Variants in DYDC2 observed in about 807,000 individuals in gnomAD.
DYDC2 encodes the protein DPY30 domain-containing protein 2.
In DYDC2, 19 loss-of-function variants were observed where a neutral mutation model predicts 18.7. The ratio of observed to expected loss-of-function variants is 1.02; its 90% CI spans 0.71 to 1.49. DYDC2 has a LOEUF of 1.49. Ranked by LOEUF, DYDC2 falls within the 40% of genes most tolerant of loss-of-function variation. The probability of loss-of-function intolerance (pLI) is 0.00; values close to 1 mark genes in which losing one functional copy is unlikely to be tolerated. For synonymous variants in DYDC2, 63 were observed against 67.6 expected (o/e 0.93, Z 0.34); for missense variants, 179 against 205.1 (o/e 0.87, Z 0.78).
chr10:80,356,800 G>C lies in DYDC2; in HGVS notation c.-188G>C, dbSNP rs1376405331. 1 of 985,624 alleles carries C rather than the reference G, an allele frequency of 1.0e-6. No homozygotes were observed. The highest frequency in any genetic ancestry group is 1.2e-6 in the Non-Finnish European group (1 of 830,192). 61.1% of individuals were successfully genotyped at this position (985,624 alleles called of 1,614,324 possible). ...CGCCTCAGGAGCCAGTGTAGGCGCC[G>C]CAAAGCGGAAGGGGCGCGCGGATAG... On this transcript the variant is annotated 5_prime_UTR_variant, in exon 1 of 5. Transcript: ENST00000256039.
intron 2 of DYDC2, 79 bp downstream of exon 2, chr10:80,358,124 T>C (rs938947149): frequency 1.1e-6 from 1 of 947,534 alleles, no homozygotes; most frequent in Non-Finnish European, 1.3e-6. Flanking sequence ...CCGCCTGTAA[T>C]CCTAGCACTT....
At chr10:80,357,337 T>C (rs1843446876) in intron 1 of DYDC2, among the ~76,000 whole-genome samples, 1 of 149,150 alleles carries the variant, frequency 6.7e-6, no homozygotes, top group Non-Finnish European at 1.5e-5. Flanking sequence ...GAAAGGCGTA[T>C]GTGGAGGCGC....
intron 1 of DYDC2, among the ~76,000 whole-genome samples, chr10:80,347,292 T>A (rs1842717878): frequency 6.9e-6 from 1 of 145,474 alleles, no homozygotes; most frequent in African/African-American, 2.5e-5. Flanking sequence ...TTTTTTTTTT[T>A]TTTTTTTTTT....
upstream of DYDC2, among the ~76,000 whole-genome samples, chr10:80,353,918 C>G (rs987028118): frequency 2.6e-5 from 4 of 151,912 alleles, no homozygotes; most frequent in African/African-American, 9.7e-5. Context: ...TCCTTGGAGC[C>G]CTTTTGGAAA....
At chr10:80,354,671 C>A (rs2132855785), upstream of DYDC2, among the ~76,000 whole-genome samples, 1 of 152,124 alleles carries the variant, frequency 6.6e-6, no homozygotes, top group Admixed American at 6.5e-5. Context: ...GTGGAGCCGT[C>A]ATGCATGGGA....
rs1272516284 is a variant in DYDC2 at position 80,366,845 on chromosome 10, G to A, written c.428G>A (p.Gly143Asp). Residue 143 changes from glycine (G) to aspartate (D), a missense_variant, in exon 5 of 5, where the codon GGC becomes GAC. Physicochemically the swap from Gly to Asp is moderately conservative, Grantham distance 94. Coordinates refer to ENST00000256039, the MANE Select transcript of DYDC2 (RefSeq NM_032372.6). ...CAGGTTCCTCCTTCAGAGTCTGCTG[G>A]CCAGATTGACCAGAACTTCAAAATG... ...PQQVPPSESA[G>D]QIDQNFKMPQ... The A allele has an allele frequency of 1.2e-6, 2 of 1,614,122 alleles. No individual in the cohort carries two copies. Among genetic ancestry groups the A allele is most frequent in the Admixed American group, 1.7e-5 (1 of 60,010 alleles).
chr10:80,349,854 T>C (rs920683691), intron 1 of DYDC2, among the ~76,000 whole-genome samples: 2 of 152,200 alleles, frequency 1.3e-5, no homozygotes, highest in Non-Finnish European at 2.9e-5. Flanking sequence ...AACTAAGCTC[T>C]TACATAGAAA....
intron 2 of DYDC2, among the ~76,000 whole-genome samples, chr10:80,359,834 A>G (rs1231245286): frequency 6.6e-6 from 1 of 152,058 alleles, no homozygotes; most frequent in Non-Finnish European, 1.5e-5. Context: ...CTGGCCTGCG[A>G]GTGCCACACG....
At chr10:80,363,126 C>A (rs544093696) in intron 4 of DYDC2, 53 bp downstream of exon 4, 2 of 1,572,898 alleles carry the variant, frequency 1.3e-6, no homozygotes, top group South Asian at 1.2e-5. Flanking sequence ...GTGATGGACT[C>A]CAGGAAAGCC....
chr10:80,362,485 G>A lies in DYDC2; in HGVS notation c.42G>A (p.Leu14=), dbSNP rs747078331. 1 of 1,614,084 alleles carries A rather than the reference G, an allele frequency of 6.2e-7. No individual in the cohort carries two copies. The highest frequency in any genetic ancestry group is 1.1e-5 in the South Asian group (1 of 91,062). ...NYLKRCFGNC[L]AQALAEVAKV... ...TGAAGAGGTGCTTTGGAAATTGCCT[G>A]GCCCAGGCACTGGCAGAGGTGGCGA... Residue 14 remains leucine, a synonymous_variant, in exon 3 of 5, where the codon CTG becomes CTA. Transcript: ENST00000256039.
upstream of DYDC2, chr10:80,352,434 T>TAG (rs1369999296): frequency 1.3e-6 from 2 of 1,557,288 alleles, no homozygotes; most frequent in Admixed American, 2.1e-5. Context: ...TCTAATTTCC[T>TAG]AGAAGGAGAT....
chr10:80,359,859 G>A (rs547077511), intron 2 of DYDC2, among the ~76,000 whole-genome samples: 3 of 152,184 alleles, frequency 2.0e-5, no homozygotes, highest in South Asian at 2.1e-4. Context: ...CCCATTTCCC[G>A]CCCGCGCCTC....
chr10:80,362,873 T>A, intron 3 of DYDC2, 78 bp from the exon 4 acceptor site: 1 of 1,549,168 alleles, frequency 6.5e-7, no homozygotes, highest in South Asian at 1.3e-5. Flanking sequence ...ACAGCCCATA[T>A]CAGTCCCCAG....
In DYDC2 at chr10:80,367,923, T is replaced by C. The variant is rs896391357; in HGVS notation, c.*972T>C. 10 of 140,062 alleles carry C rather than the reference T, an allele frequency of 7.1e-5. No homozygotes were observed. The highest frequency in any genetic ancestry group is 2.3e-4 in the Admixed American group (3 of 13,294). 8.7% of individuals were successfully genotyped at this position (140,062 alleles called of 1,614,324 possible). On this transcript the variant is annotated 3_prime_UTR_variant, in exon 5 of 5. Transcript: ENST00000256039. Reference sequence around the variant, plus strand: ...CATCATCACCATCCGGCTGCAAAACTCTTTCATCTTGCAAAACTGAAACTC... The same window carrying C: ...CATCATCACCATCCGGCTGCAAAACCCTTTCATCTTGCAAAACTGAAACTC...
rs546461101 is a variant in DYDC2, at chr10:80,366,366, C to T, written c.271-322C>T. ...CCTTTTTCTGTTGAATACTTTTCCT[C>T]TAGATTATGGTTCACATTTTCCTAC... On this transcript the variant is annotated intron_variant, in intron 4 of 4. Transcript: ENST00000256039. 3.3e-5 allele frequency among the ~76,000 whole-genome samples: 5 copies of T among 152,232 alleles called. No homozygotes were observed. The East Asian group carries it at 5.8e-4, about 18-fold the overall frequency.
chr10:80,355,999 A>AAT (rs1843344981), upstream of DYDC2, among the ~76,000 whole-genome samples: 2 of 151,864 alleles, frequency 1.3e-5, no homozygotes, highest in Admixed American at 1.3e-4. Flanking sequence ...AAAAAAAAAA[A>AAT]AAAAAAGGTG....
upstream of DYDC2, among the ~76,000 whole-genome samples, chr10:80,355,272 C>T (rs906198474): frequency 8.6e-5 from 13 of 151,866 alleles, no homozygotes; most frequent in Admixed American, 8.5e-4. Context: ...GAGACAGTGA[C>T]ATCCTGGGGT....
intron 4 of DYDC2, among the ~76,000 whole-genome samples, chr10:80,365,928 T>A (rs1269174612): frequency 6.6e-6 from 1 of 152,264 alleles, no homozygotes; most frequent in South Asian, 2.1e-4. Context: ...AACTCTTACA[T>A]TATGTCCATT....
intron 1 of DYDC2, among the ~76,000 whole-genome samples, chr10:80,346,316 T>C (rs1015148246): frequency 2.0e-5 from 3 of 152,178 alleles, no homozygotes; most frequent in African/African-American, 7.2e-5. Context: ...GGTCATATGG[T>C]AGCTTTTAAT....
Sources: gnomAD v4.1 joint callset for allele counts (sites outside exome capture counted in the v4.1 genomes callset) on GRCh38, gnomAD v4.1.1 for gene constraint, MANE v1.5 for transcripts, NCBI Gene and HGNC (gene_info 2026-07-23, HGNC 2026-07-21) for gene names.